Variants in DAB1 observed in about 807,000 individuals in gnomAD.
The protein encoded by DAB1 is DAB adaptor protein 1.
DAB1 carries 15 observed loss-of-function variants against 64.6 expected under a neutral mutation model. The observed-to-expected ratio is 0.23, with a 90% CI of 0.16 to 0.36. The LOEUF (loss-of-function observed/expected upper bound fraction) is 0.36, where lower values mean the gene tolerates loss of function less well. Among genes scored for constraint, DAB1 ranks in the 10% least tolerant of loss-of-function variants. The pLI is 1.00. For synonymous variants in DAB1, 235 were observed against 251.9 expected, an observed-to-expected ratio of 0.93 and a Z score of 0.64; for missense variants, 596 against 706.7, an observed-to-expected ratio of 0.84 and a Z score of 1.78.
intron 4 of DAB1, among the ~76,000 whole-genome samples, chr1:58,270,301 T>A (rs1230721484): frequency 6.7e-6 from 1 of 148,320 alleles, no homozygotes; most frequent in South Asian, 2.2e-4. Flanking sequence ...CATTGCTTGT[T>A]TTTCTCGGTT....
chr1:58,070,505 T>TA (rs1649167827), intron 5 of DAB1, among the ~76,000 whole-genome samples: 1 of 152,224 alleles, frequency 6.6e-6, no homozygotes, highest in African/African-American at 2.4e-5. Context: ...ATCTCAGTCT[T>TA]ACTTCTGCAG....
intron 1 of DAB1, among the ~76,000 whole-genome samples, chr1:57,848,381 T>C: frequency 1.3e-5 from 2 of 152,340 alleles, no homozygotes. Flanking sequence ...AAATCAAATA[T>C]ATGAAAACCT....
intron 5 of DAB1, among the ~76,000 whole-genome samples, chr1:58,051,687 C>G (rs1342215077): frequency 6.6e-6 from 1 of 152,200 alleles, no homozygotes; most frequent in African/African-American, 2.4e-5. Context: ...ATTCCTATTT[C>G]TCCACAACCT....
At chr1:57,312,514 A>G (rs1462274899) in intron 1 of DAB1, among the ~76,000 whole-genome samples, 3 of 152,178 alleles carry the variant, frequency 2.0e-5, no homozygotes, top group Non-Finnish European at 4.4e-5. Flanking sequence ...AATAATTTAG[A>G]AATCTCTTCC....
At chr1:58,474,648 C>T (rs11207237) in intron 3 of DAB1, among the ~76,000 whole-genome samples, 1 of 151,946 alleles carries the variant, frequency 6.6e-6, no homozygotes, top group Non-Finnish European at 1.5e-5. Context: ...TGGTGTTGAG[C>T]GATGAGATCA....
At chr1:57,000,809 C>T (rs1433904553) in intron 14 of DAB1, among the ~76,000 whole-genome samples, 2 of 152,180 alleles carry the variant, frequency 1.3e-5, no homozygotes, top group African/African-American at 4.8e-5. Context: ...CTACAATTTG[C>T]TCTATTCTAA....
At chr1:57,765,025 A>G (rs368838513) in intron 6 of DAB1, among the ~76,000 whole-genome samples, 23 of 152,332 alleles carry the variant, frequency 1.5e-4, no homozygotes, top group African/African-American at 5.5e-4. Flanking sequence ...AATTATTTTT[A>G]CACAACAAAT....
At chr1:57,533,033 A>G (rs1244536109) in intron 7 of DAB1, among the ~76,000 whole-genome samples, 1 of 152,146 alleles carries the variant, frequency 6.6e-6, no homozygotes, top group East Asian at 1.9e-4. Flanking sequence ...TTCATGAGGG[A>G]CACAGCTGAG....
Position 57,668,002 on chromosome 1 carries a change from C to T in DAB1, n.552-18337G>A, listed in dbSNP as rs987781604. ...GTCACATGTATACCTACACGTTCTG[C>T]ACATGTATCCCAGAACTTAAAGTAA... On this transcript the variant is annotated intron_variant and non_coding_transcript_variant, in intron 6 of 20. Coordinates refer to the DAB1 transcript ENST00000485760. Among the ~76,000 whole-genome samples, 10 of 151,848 alleles carry T rather than the reference C, an allele frequency of 6.6e-5. No homozygotes were observed. The South Asian group carries it at 1.7e-3, about 25-fold the overall frequency.
intron 7 of DAB1, among the ~76,000 whole-genome samples, chr1:57,551,836 A>G (rs1644917521): frequency 6.6e-6 from 1 of 152,102 alleles, no homozygotes; most frequent in Non-Finnish European, 1.5e-5. Flanking sequence ...ATTGCAAGAA[A>G]CTTCTTTCCC....
intron 1 of DAB1, among the ~76,000 whole-genome samples, chr1:58,543,810 G>A (rs11207251): frequency 0.65 from 98,839 of 152,090 alleles, 34,209 homozygotes; most frequent in East Asian, 0.94. Context: ...AAACTCAAAC[G>A]TCTAAAGAAG....
In DAB1 at chr1:57,407,574, TC is replaced by T. The variant is rs375425968; in HGVS notation, c.-137+16355del. Among the ~76,000 whole-genome samples, 133 of 152,326 alleles carry T rather than the reference TC, an allele frequency of 8.7e-4. 3 individuals carry two copies. In the South Asian group the frequency reaches 0.014, roughly 16 times the overall value. ...GTTCAATTGTGTTGCATGTGTTACT[TC>T]TTTGTGTTTACAAAACAACCCTATA... On this transcript the variant is annotated intron_variant, in intron 1 of 14. Transcript: ENST00000371236.
chr1:58,449,194 C>G (rs575606641), intron 3 of DAB1, among the ~76,000 whole-genome samples: 1 of 152,226 alleles, frequency 6.6e-6, no homozygotes, highest in African/African-American at 2.4e-5. Context: ...AATCTTAGCC[C>G]CCAGGGGTTG....
intron 1 of DAB1, among the ~76,000 whole-genome samples, chr1:57,384,072 A>T (rs1681594683): frequency 6.6e-6 from 1 of 152,220 alleles, no homozygotes; most frequent in African/African-American, 2.4e-5. Flanking sequence ...CAATTTAAAA[A>T]TGAGCAAAAG....
intron 4 of DAB1, among the ~76,000 whole-genome samples, chr1:58,338,220 G>T (rs1225849914): frequency 1.3e-5 from 2 of 152,082 alleles, no homozygotes; most frequent in African/African-American, 4.8e-5. Flanking sequence ...ACTTTTCTCA[G>T]CTGCGTGAGA....
intron 3 of DAB1, among the ~76,000 whole-genome samples, chr1:57,145,059 C>T (rs1658981877): frequency 6.6e-6 from 1 of 152,120 alleles, no homozygotes; most frequent in Non-Finnish European, 1.5e-5. Flanking sequence ...ATGTGATACA[C>T]TCAAAAATTG....
chr1:57,849,370 C>T (rs1030579677), intron 1 of DAB1, among the ~76,000 whole-genome samples: 1 of 152,168 alleles, frequency 6.6e-6, no homozygotes, highest in African/African-American at 2.4e-5. Context: ...CTCACAGTAA[C>T]TCCATATCAA....
chr1:57,817,711 C>G (rs1231556532), intron 6 of DAB1, among the ~76,000 whole-genome samples: 1 of 152,196 alleles, frequency 6.6e-6, no homozygotes, highest in African/African-American at 2.4e-5. Context: ...TATTTCCTAT[C>G]CATAATACAG....
intron 7 of DAB1, among the ~76,000 whole-genome samples, chr1:57,579,136 G>T (rs960544196): frequency 1.3e-5 from 2 of 152,226 alleles, no homozygotes; most frequent in African/African-American, 4.8e-5. Context: ...TGCTGCAACT[G>T]CTGTCACCCA....
Sources: gnomAD v4.1 joint callset for allele counts (sites outside exome capture counted in the v4.1 genomes callset) on GRCh38, gnomAD v4.1.1 for gene constraint, MANE v1.5 for transcripts, NCBI Gene and HGNC (gene_info 2026-07-23, HGNC 2026-07-21) for gene names.